The following NR3C1 variants were observed in gnomAD, a reference collection of about 807,000 sequenced individuals.
The protein encoded by NR3C1 is glucocorticoid receptor.
In NR3C1, 14 loss-of-function variants were observed where a neutral mutation model predicts 74.0. The ratio of observed to expected loss-of-function variants is 0.19; its 90% CI spans 0.12 to 0.30. NR3C1 has a LOEUF of 0.30. NR3C1 is among the 10% of genes least tolerant of loss of function. The probability of loss-of-function intolerance (pLI) is 1.00; values close to 1 mark genes in which losing one functional copy is unlikely to be tolerated. For synonymous variants in NR3C1, 308 were observed against 332.5 expected (o/e 0.93, Z 0.80); for missense variants, 695 against 909.8 (o/e 0.76, Z 3.04).
intron 2 of NR3C1, among the ~76,000 whole-genome samples, chr5:143,361,456 G>A (rs1431380197): frequency 1.3e-5 from 2 of 152,042 alleles, no homozygotes; most frequent in Non-Finnish European, 2.9e-5. Flanking sequence ...TTAAACCTTA[G>A]AACTCCTTCT....
chr5:143,431,415 A>G (rs911091466), intron 1 of NR3C1, among the ~76,000 whole-genome samples: 1 of 151,786 alleles, frequency 6.6e-6, no homozygotes, highest in East Asian at 1.9e-4. Context: ...GGTGTTATGC[A>G]TGTTCTCACT....
intron 1 of NR3C1, among the ~76,000 whole-genome samples, chr5:143,424,055 A>T (rs775392931): frequency 2.2e-3 from 64 of 28,482 alleles, no homozygotes; most frequent in Admixed American, 4.1e-3. Context: ...CACTCTGGGG[A>T]CTGTTGTGGG....
exon 1 of NR3C1, chr5:143,435,405 C>T (rs1169361266): frequency 6.1e-6 from 6 of 985,284 alleles, no homozygotes; most frequent in Admixed American, 6.1e-5. Context: ...GAAAGTGATT[C>T]GCCTCTACTC....
rs907624258 is a variant in NR3C1 at position 143,279,284 on chromosome 5, T to C, written c.*2605A>G. 5.4e-6 allele frequency: 8 copies of C among 1,491,026 alleles called. No individual in the cohort carries two copies. The highest frequency in any genetic ancestry group is 1.4e-5 in the African/African-American group (1 of 70,494). The allele number at this position is 1,491,026 out of a possible 1,614,324, so 92.4% of individuals were successfully genotyped here. The stretch of plus-strand genomic sequence containing the variant: ...TTGTCGATGAGCATCAGTTGACTTA[T>C]TATTGACAACGAAGTGCACATAATC... On this transcript the variant is annotated 3_prime_UTR_variant, in exon 9 of 9. Coordinates refer to ENST00000394464, the MANE Select transcript of NR3C1 (RefSeq NM_000176.3).
chr5:143,312,214 C>T (rs906897691), intron 3 of NR3C1, among the ~76,000 whole-genome samples: 2 of 152,252 alleles, frequency 1.3e-5, no homozygotes, highest in African/African-American at 4.8e-5. Context: ...GTGATCTCTG[C>T]CTCCTTGAAT....
chr5:143,281,652 T>TTA lies in NR3C1; in HGVS notation c.*235_*236dup, dbSNP rs1482527849. The TTA allele has an allele frequency of 2.1e-6, 1 of 472,080 alleles. No homozygotes were observed. Among genetic ancestry groups the TTA allele is most frequent in the Admixed American group, 3.5e-5 (1 of 28,442 alleles). 29.2% of individuals were successfully genotyped at this position (472,080 alleles called of 1,614,324 possible). A position where few individuals can be genotyped will look rare whatever the true frequency, so the allele number is the denominator to read the frequency against. ...TAAGGTTTCTAATTTCTGGGATATA[T>TTA]TAACTAATAAATTTCACCATCTACT... On this transcript the variant is annotated 3_prime_UTR_variant, in exon 9 of 9. Coordinates refer to ENST00000394464, the MANE Select transcript of NR3C1 (RefSeq NM_000176.3).
At chr5:143,420,213 A>T (rs184759513) in intron 1 of NR3C1, among the ~76,000 whole-genome samples, 111 of 152,294 alleles carry the variant, frequency 7.3e-4, no homozygotes, top group African/African-American at 2.5e-3. Flanking sequence ...CACAATTATC[A>T]CAGGGTCCTG....
intron 2 of NR3C1, among the ~76,000 whole-genome samples, chr5:143,392,353 G>T (rs1337928880): frequency 6.6e-6 from 1 of 152,130 alleles, no homozygotes; most frequent in African/African-American, 2.4e-5. Context: ...TTGAAACTGT[G>T]ACAAAAAGCA....
At chr5:143,376,605 G>A (rs2151872256) in intron 2 of NR3C1, among the ~76,000 whole-genome samples, 1 of 152,228 alleles carries the variant, frequency 6.6e-6, no homozygotes. Context: ...CACCTCCTTG[G>A]CAACAGAATT....
chr5:143,395,550 G>A (rs1044600266), intron 2 of NR3C1, among the ~76,000 whole-genome samples: 2 of 151,792 alleles, frequency 1.3e-5, no homozygotes, highest in African/African-American at 2.4e-5. Context: ...ATATTACCAG[G>A]ATGTCCTCAG....
chr5:143,418,128 A>G lies in NR3C1; in HGVS notation c.-14+16404T>C, dbSNP rs140780750. Among the ~76,000 whole-genome samples, 398 of 152,324 alleles carry G rather than the reference A, an allele frequency of 2.6e-3. 1 individual carries two copies. Among genetic ancestry groups the G allele is most frequent in the African/African-American group, 9.3e-3 (385 of 41,578 alleles). ...GAATGTGCAAGCTTTCCTAATTCCT[A>G]GTTGGGTTCTCCACACACTAAACAT... On this transcript the variant is annotated intron_variant, in intron 1 of 8. Transcript: ENST00000343796.
At chr5:143,435,369 C>G (rs61757430) in exon 1 of NR3C1, 19 of 985,392 alleles carry the variant, frequency 1.9e-5, no homozygotes, top group Non-Finnish European at 2.2e-5. Context: ...TTTAAAGAAG[C>G]GTGTTGCAAT....
intron 2 of NR3C1, among the ~76,000 whole-genome samples, chr5:143,358,341 C>T (rs1458127071): frequency 6.6e-6 from 1 of 152,092 alleles, no homozygotes; most frequent in African/African-American, 2.4e-5. Context: ...ACAGGAGTAA[C>T]GTATTTAATT....
intron 2 of NR3C1, among the ~76,000 whole-genome samples, chr5:143,338,479 A>G (rs887839267): frequency 3.3e-5 from 5 of 152,164 alleles, no homozygotes; most frequent in Non-Finnish European, 7.4e-5. Flanking sequence ...GTGGGATAAC[A>G]TGTGAAGGTT....
intron 1 of NR3C1, among the ~76,000 whole-genome samples, chr5:143,410,498 T>A (rs1007733201): frequency 2.0e-5 from 3 of 152,202 alleles, no homozygotes; most frequent in Non-Finnish European, 4.4e-5. Flanking sequence ...ATTTGTCAAT[T>A]AAATTTTCTC....
At chr5:143,355,282 C>A (rs1286311480) in intron 2 of NR3C1, among the ~76,000 whole-genome samples, 1 of 152,154 alleles carries the variant, frequency 6.6e-6, no homozygotes, top group Non-Finnish European at 1.5e-5. Context: ...TACTAAAATT[C>A]AGATACCCAA....
At chr5:143,382,628 G>A (rs1208458739) in intron 2 of NR3C1, among the ~76,000 whole-genome samples, 1 of 152,216 alleles carries the variant, frequency 6.6e-6, no homozygotes, top group African/African-American at 2.4e-5. Flanking sequence ...AGTTCACACA[G>A]TTGTTAGTCA....
chr5:143,355,974 C>T (rs61752275), intron 2 of NR3C1, among the ~76,000 whole-genome samples: 232 of 152,296 alleles, frequency 1.5e-3, no homozygotes, highest in Non-Finnish European at 2.9e-3. Context: ...CTACCAATCA[C>T]ACCACAGAGA....
chr5:143,307,536 T>C (rs1000965366), intron 4 of NR3C1, among the ~76,000 whole-genome samples: 4 of 152,194 alleles, frequency 2.6e-5, no homozygotes, highest in African/African-American at 9.6e-5. Context: ...AAACTTTATA[T>C]GTATTCAGAA....
Sources: allele counts gnomAD v4.1 joint callset (sites outside exome capture counted in the v4.1 genomes callset), GRCh38; gene constraint gnomAD v4.1.1; transcripts MANE v1.5; gene names NCBI Gene and HGNC (gene_info 2026-07-23, HGNC 2026-07-21).